Variants in FAM193A observed in about 807,000 individuals in gnomAD.
FAM193A encodes protein FAM193A.
In FAM193A, 22 loss-of-function variants were observed where a neutral mutation model predicts 126.5. That is an observed-to-expected ratio of 0.17 (90% CI 0.12 to 0.25). The LOEUF is 0.25. Among genes scored for constraint, FAM193A ranks in the 10% least tolerant of loss-of-function variants. FAM193A has a pLI of 1.00. For missense variants in FAM193A, 1,675 were observed against 1,672.8 expected (o/e 1.00, Z -0.02); for synonymous variants, 761 against 646.8 (o/e 1.18, Z -2.68).
chr4:2,539,586 A>G (rs1286233558), intron 1 of FAM193A, among the ~76,000 whole-genome samples: 3 of 151,826 alleles, frequency 2.0e-5, no homozygotes, highest in Non-Finnish European at 4.4e-5. Context: ...TGTTCTTTTA[A>G]TATAGATACA....
intron 12 of FAM193A, among the ~76,000 whole-genome samples, chr4:2,666,182 TTGAG>T (rs1480400102): frequency 6.6e-6 from 1 of 152,256 alleles, no homozygotes; most frequent in Non-Finnish European, 1.5e-5. Flanking sequence ...TCCTAATTTC[TTGAG>T]TTTTTTCATG....
At chr4:2,563,647 A>T (rs972116063) in intron 1 of FAM193A, among the ~76,000 whole-genome samples, 8 of 152,188 alleles carry the variant, frequency 5.3e-5, no homozygotes, top group African/African-American at 1.9e-4. Context: ...CAGAACCAAC[A>T]CTTCCACTTT....
chr4:2,721,104 G>A (rs1720090701), intron 20 of FAM193A, among the ~76,000 whole-genome samples: 1 of 152,042 alleles, frequency 6.6e-6, no homozygotes, highest in Admixed American at 6.6e-5. Context: ...ACGAGGCCAG[G>A]AGCTCGAAAC....
chr4:2,606,074 A>C (rs1741532985), intron 2 of FAM193A, among the ~76,000 whole-genome samples: 1 of 81,700 alleles, frequency 1.2e-5, no homozygotes, highest in Non-Finnish European at 2.3e-5. Flanking sequence ...TTTTTGAGAC[A>C]GTGTCTCACT....
At position 2,594,820 on chromosome 4, in the gene FAM193A, CTTTTTTTTTT is replaced by C. The variant is rs386399069; in HGVS notation, c.256-1247_256-1238del. 1.6e-4 allele frequency among the ~76,000 whole-genome samples: 10 copies of C among 62,230 alleles called. No homozygotes were observed. The East Asian group carries it at 2.8e-3, about 17-fold the overall frequency. 40.8% of individuals were successfully genotyped at this position (62,230 alleles called of 152,430 possible). A position where few individuals can be genotyped will look rare whatever the true frequency, so the allele number is the denominator to read the frequency against. On this transcript the variant is annotated intron_variant, in intron 1 of 20. Coordinates refer to ENST00000637812, the MANE Select transcript of FAM193A (RefSeq NM_001366318.2). ...GTTTCTTTCTTTTTCTTTTCTTTTC[CTTTTTTTTTT>C]TTTTTTTTTTTTTTTTGAGACTTAG...
intron 1 of FAM193A, among the ~76,000 whole-genome samples, chr4:2,553,296 A>C (rs1738053880): frequency 6.6e-6 from 1 of 152,082 alleles, no homozygotes. Flanking sequence ...ACCTGTGAAT[A>C]GCCAGCCATT....
chr4:2,669,360 G>A (rs1713525235), intron 12 of FAM193A, among the ~76,000 whole-genome samples: 1 of 152,144 alleles, frequency 6.6e-6, no homozygotes, highest in African/African-American at 2.4e-5. Context: ...CTCACGCCCA[G>A]CACTTTGGGA....
rs1249230080 is a variant in FAM193A, at chr4:2,724,019, A to C, written c.4455-7756A>C. On this transcript the variant is annotated intron_variant, in intron 20 of 20. Transcript: ENST00000637812. ...GACATAATGAAAATGGCATGAGGCCAACAGAATGTCTTTTTTTTTTTTTTC... is the reference window on the plus strand; with the variant it reads ...GACATAATGAAAATGGCATGAGGCCCACAGAATGTCTTTTTTTTTTTTTTC... Among the ~76,000 whole-genome samples the C allele has an allele frequency of 1.5e-4, 16 of 105,114 alleles. 1 individual carries two copies. The highest frequency in any genetic ancestry group is 1.2e-4 in the Admixed American group (1 of 8,130). The allele number at this position is 105,114 out of a possible 152,430, so 69.0% of individuals were successfully genotyped here.
At chr4:2,566,342 T>A (rs576909287) in intron 1 of FAM193A, among the ~76,000 whole-genome samples, 1 of 152,168 alleles carries the variant, frequency 6.6e-6, no homozygotes, top group South Asian at 2.1e-4. Context: ...CCACCGCGCC[T>A]GGCCAATGGA....
At chr4:2,599,633 G>A (rs556359312) in intron 2 of FAM193A, among the ~76,000 whole-genome samples, 1 of 152,192 alleles carries the variant, frequency 6.6e-6, no homozygotes, top group South Asian at 2.1e-4. Context: ...CTAGCATCAC[G>A]TCCTAGACAT....
At chr4:2,611,625 T>A (rs943066067) in intron 2 of FAM193A, among the ~76,000 whole-genome samples, 1 of 152,012 alleles carries the variant, frequency 6.6e-6, no homozygotes, top group Admixed American at 6.6e-5. Context: ...GTACCTATTT[T>A]CCATTTGTAT....
rs201020079 is a variant in FAM193A at position 2,636,559 on chromosome 4, C to T, written c.1039-3176C>T. Reference sequence around the variant, plus strand: ...GGATTCTCTACTTATACATGGTTTGCTAGTGTCATTCATAGGTCATTTTGC... The same window carrying T: ...GGATTCTCTACTTATACATGGTTTGTTAGTGTCATTCATAGGTCATTTTGC... On this transcript the variant is annotated intron_variant, in intron 5 of 20. Transcript: ENST00000637812. Among the ~76,000 whole-genome samples the T allele has an allele frequency of 3.4e-4, 51 of 152,218 alleles. No individual in the cohort carries two copies. The East Asian group carries it at 7.7e-3, about 23-fold the overall frequency.
chr4:2,608,334 A>G (rs916708177), intron 2 of FAM193A, among the ~76,000 whole-genome samples: 2 of 152,056 alleles, frequency 1.3e-5, no homozygotes, highest in Non-Finnish European at 2.9e-5. Context: ...GCGCACCACC[A>G]TGCCTGGCTA....
At chr4:2,635,506 T>C (rs1744000518) in intron 5 of FAM193A, among the ~76,000 whole-genome samples, 1 of 152,234 alleles carries the variant, frequency 6.6e-6, no homozygotes, top group Non-Finnish European at 1.5e-5. Flanking sequence ...AATACACTTT[T>C]ACATTAGATA....
At chr4:2,729,224 G>A (rs1320152167) in intron 20 of FAM193A, among the ~76,000 whole-genome samples, 2 of 152,178 alleles carry the variant, frequency 1.3e-5, no homozygotes, top group African/African-American at 4.8e-5. Flanking sequence ...GAATGGTGGA[G>A]TTTAACTGGT....
At chr4:2,632,864 C>T (rs1743733846) in intron 5 of FAM193A, among the ~76,000 whole-genome samples, 1 of 152,150 alleles carries the variant, frequency 6.6e-6, no homozygotes. Context: ...AGCCCCTCCT[C>T]TGTCTTCTAC....
At chr4:2,597,340 G>T (rs937286438) in intron 2 of FAM193A, among the ~76,000 whole-genome samples, 12 of 152,060 alleles carry the variant, frequency 7.9e-5, no homozygotes, top group East Asian at 5.8e-4. Context: ...TCTTTGTGTG[G>T]TTTTTTTGTT....
At chr4:2,690,634 C>A in intron 14 of FAM193A, 64 bp from the exon 15 acceptor site, 1 of 1,473,680 alleles carries the variant, frequency 6.8e-7, no homozygotes, top group Non-Finnish European at 9.2e-7. Context: ...ATCAGCATGT[C>A]TTTTAGGGTT....
intron 20 of FAM193A, among the ~76,000 whole-genome samples, chr4:2,727,979 C>G (rs1720943171): frequency 6.6e-6 from 1 of 151,318 alleles, no homozygotes; most frequent in Admixed American, 6.6e-5. Flanking sequence ...GAGTTTTGCT[C>G]TAGTTGCCCA....
Sources: gnomAD v4.1 joint callset for allele counts (sites outside exome capture counted in the v4.1 genomes callset) on GRCh38, gnomAD v4.1.1 for gene constraint, MANE v1.5 for transcripts, NCBI Gene and HGNC (gene_info 2026-07-23, HGNC 2026-07-21) for gene names.